SUGCT: variants seen among roughly 807,000 people sequenced by gnomAD.
The protein encoded by SUGCT is succinyl-CoA:glutarate-CoA transferase, also known as succinyl-CoA:glutarate CoA-transferase.
In SUGCT, 41 loss-of-function variants were observed where a neutral mutation model predicts 55.0. That is an observed-to-expected ratio of 0.74 (90% confidence interval 0.58 to 0.97). The LOEUF is 0.97. Ranked by LOEUF, SUGCT falls within the 50% of genes least tolerant of loss-of-function variation. The pLI is 0.00. For missense variants in SUGCT, 568 were observed against 547.8 expected, an observed-to-expected ratio of 1.04 and a Z score of -0.37; for synonymous variants, 187 against 200.4, an observed-to-expected ratio of 0.93 and a Z score of 0.56.
chr7:40,305,470 A>G (rs905524040), intron 8 of SUGCT, among the ~76,000 whole-genome samples: 4 of 152,194 alleles, frequency 2.6e-5, no homozygotes, highest in Non-Finnish European at 1.5e-5. Context: ...TGAAGCTTGC[A>G]TTCTAGCAGA....
At chr7:40,677,046 G>C (rs967383018) in intron 12 of SUGCT, among the ~76,000 whole-genome samples, 1 of 152,004 alleles carries the variant, frequency 6.6e-6, no homozygotes, top group African/African-American at 2.4e-5. Context: ...GGAAAAATAA[G>C]CTGGCCCAAT....
intron 9 of SUGCT, among the ~76,000 whole-genome samples, chr7:40,391,383 G>A (rs191121092): frequency 0.022 from 3,384 of 151,860 alleles, 105 homozygotes; most frequent in African/African-American, 0.077. Context: ...CAATCTACCC[G>A]TCTGACAAAG....
intron 1 of SUGCT, among the ~76,000 whole-genome samples, chr7:40,177,912 G>C (rs1399110071): frequency 2.0e-5 from 3 of 152,110 alleles, no homozygotes; most frequent in Non-Finnish European, 4.4e-5. Flanking sequence ...GCCACACCCA[G>C]CTAAATGTTT....
chr7:40,965,899 T>G, the SUGCT span: 1 of 152,044 alleles, frequency 6.6e-6, no homozygotes, highest in Non-Finnish European at 1.5e-5. Context: ...GTTGAAAATC[T>G]AAAAAAAATG....
At chr7:40,658,116 T>C (rs1202971625) in intron 12 of SUGCT, among the ~76,000 whole-genome samples, 1 of 152,226 alleles carries the variant, frequency 6.6e-6, no homozygotes, top group Non-Finnish European at 1.5e-5. Context: ...CATTATTCCT[T>C]TATTGTATCA....
intron 11 of SUGCT, among the ~76,000 whole-genome samples, chr7:40,474,341 A>G (rs1583775861): frequency 1.3e-5 from 2 of 152,184 alleles, no homozygotes; most frequent in South Asian, 4.2e-4. Flanking sequence ...TGAGGCAGAT[A>G]AACAGTTTGC....
chr7:40,845,739 C>T (rs1037186710), intron 13 of SUGCT, among the ~76,000 whole-genome samples: 1 of 152,140 alleles, frequency 6.6e-6, no homozygotes, highest in Non-Finnish European at 1.5e-5. Flanking sequence ...AACATATTCC[C>T]TTTTTCTTAG....
chr7:40,834,511 G>A (rs1792861112), intron 13 of SUGCT, among the ~76,000 whole-genome samples: 1 of 152,128 alleles, frequency 6.6e-6, no homozygotes, highest in South Asian at 2.1e-4. Flanking sequence ...AAAACTAATT[G>A]CAAATAAATT....
chr7:41,013,136 G>T, the SUGCT span, among the ~76,000 whole-genome samples: 1 of 151,986 alleles, frequency 6.6e-6, no homozygotes, highest in Non-Finnish European at 1.5e-5. Flanking sequence ...ACTCTGCTGT[G>T]CTGGTTCAGA....
At chr7:40,772,558 CTA>C (rs1562994256) in intron 13 of SUGCT, among the ~76,000 whole-genome samples, 2 of 132,308 alleles carry the variant, frequency 1.5e-5, no homozygotes, top group Non-Finnish European at 3.3e-5. Context: ...ATCTATCTAT[CTA>C]TCTGGTGTTA....
intron 3 of SUGCT, among the ~76,000 whole-genome samples, chr7:40,187,158 C>T (rs1455520328): frequency 1.3e-5 from 2 of 152,030 alleles, no homozygotes; most frequent in African/African-American, 2.4e-5. Flanking sequence ...AGCTGGAAAC[C>T]ATCATTCTCA....
intron 9 of SUGCT, among the ~76,000 whole-genome samples, chr7:40,410,902 A>G (rs1786637749): frequency 6.6e-6 from 1 of 152,206 alleles, no homozygotes. Context: ...TACAAAAAAA[A>G]TATTAATCAG....
chr7:41,016,568 G>A, the SUGCT span, among the ~76,000 whole-genome samples: 5 of 152,164 alleles, frequency 3.3e-5, no homozygotes, highest in Admixed American at 3.3e-4. Flanking sequence ...TTAGTAAAAA[G>A]AAAGAAAACA....
chr7:40,907,140 T>TGTGTGTGA, the SUGCT span, among the ~76,000 whole-genome samples: 1 of 29,136 alleles, frequency 3.4e-5, no homozygotes, highest in Admixed American at 3.5e-4. Flanking sequence ...TGTGTGTGTG[T>TGTGTGTGA]GAGAGAGAGA....
chr7:40,657,622 C>T (rs1259362102), intron 12 of SUGCT, among the ~76,000 whole-genome samples: 1 of 152,068 alleles, frequency 6.6e-6, no homozygotes, highest in Non-Finnish European at 1.5e-5. Context: ...GCAACCTCTG[C>T]CTCCCGGGTT....
intron 11 of SUGCT, among the ~76,000 whole-genome samples, chr7:40,480,897 C>G (rs1358684775): frequency 6.6e-6 from 1 of 152,102 alleles, no homozygotes; most frequent in Non-Finnish European, 1.5e-5. Flanking sequence ...CCCAGAGACA[C>G]ACACTCAAGA....
intron 12 of SUGCT, among the ~76,000 whole-genome samples, chr7:40,529,021 C>A (rs915863295): frequency 1.3e-5 from 2 of 152,140 alleles, no homozygotes; most frequent in African/African-American, 4.8e-5. Context: ...CAGAACAAAA[C>A]AGAGAGGAAC....
chr7:40,955,948 T>A, the SUGCT span, among the ~76,000 whole-genome samples: 1 of 152,246 alleles, frequency 6.6e-6, no homozygotes, highest in Admixed American at 6.5e-5. Flanking sequence ...TTTGTGTATG[T>A]TGACCAGCCT....
chr7:41,026,371 G>A, the SUGCT span, among the ~76,000 whole-genome samples: 4 of 152,176 alleles, frequency 2.6e-5, no homozygotes, highest in African/African-American at 9.7e-5. Flanking sequence ...CAGGCATCTA[G>A]TTTGTTGCCT....
Sources: allele counts gnomAD v4.1 joint callset (sites outside exome capture counted in the v4.1 genomes callset), GRCh38; gene constraint gnomAD v4.1.1; transcripts MANE v1.5; gene names NCBI Gene and HGNC (gene_info 2026-07-23, HGNC 2026-07-21).